Variants in ROBO1 observed in about 807,000 individuals in gnomAD.
The protein encoded by ROBO1 is roundabout guidance receptor 1, also known as roundabout homolog 1.
Under a neutral mutation model 195.9 loss-of-function variants are expected in ROBO1, and 149 were observed. The observed-to-expected ratio is 0.76, with a 90% CI of 0.67 to 0.87. The LOEUF (loss-of-function observed/expected upper bound fraction) is 0.87, where lower values mean the gene tolerates loss of function less well. Among genes scored for constraint, ROBO1 ranks in the 40% least tolerant of loss-of-function variants. ROBO1 has a pLI of 0.00. For missense variants in ROBO1, 1,933 were observed against 2,068.3 expected, an observed-to-expected ratio of 0.93 and a Z score of 1.27; for synonymous variants, 816 against 733.2, an observed-to-expected ratio of 1.11 and a Z score of -1.82.
intron 3 of ROBO1, among the ~76,000 whole-genome samples, chr3:79,028,782 AATT>A (rs2078245482): frequency 6.6e-6 from 1 of 151,994 alleles, no homozygotes; most frequent in Admixed American, 6.6e-5. Context: ...TATTTAATTG[AATT>A]ATTATATTTT....
chr3:79,472,284 G>A (rs1200997070), intron 2 of ROBO1, among the ~76,000 whole-genome samples: 1 of 151,986 alleles, frequency 6.6e-6, no homozygotes, highest in South Asian at 2.1e-4. Context: ...CTAGTGTTTA[G>A]GATTAGAAAT....
intron 10 of ROBO1, among the ~76,000 whole-genome samples, chr3:78,679,777 A>G (rs567522768): frequency 2.6e-5 from 4 of 152,180 alleles, no homozygotes; most frequent in African/African-American, 9.7e-5. Context: ...TATAGATTCA[A>G]TGCCATCCCC....
chr3:79,659,564 A>T (rs1946268396), intron 1 of ROBO1, among the ~76,000 whole-genome samples: 1 of 151,992 alleles, frequency 6.6e-6, no homozygotes, highest in Non-Finnish European at 1.5e-5. Context: ...TGCTTCAAAG[A>T]GCATTACCGA....
At chr3:78,874,950 G>T (rs2107187979) in intron 4 of ROBO1, among the ~76,000 whole-genome samples, 1 of 151,870 alleles carries the variant, frequency 6.6e-6, no homozygotes, top group South Asian at 2.1e-4. Flanking sequence ...TTCACTTTGA[G>T]AATGCACAAA....
intron 3 of ROBO1, among the ~76,000 whole-genome samples, chr3:79,065,706 A>C (rs2078992632): frequency 6.6e-6 from 1 of 152,100 alleles, no homozygotes; most frequent in South Asian, 2.1e-4. Flanking sequence ...TCATGAATTC[A>C]TAACCATTTA....
intron 2 of ROBO1, among the ~76,000 whole-genome samples, chr3:79,373,378 T>C (rs1222185373): frequency 1.3e-5 from 2 of 152,162 alleles, no homozygotes; most frequent in African/African-American, 4.8e-5. Flanking sequence ...CCAGAATGTA[T>C]GCAGCAGATG....
chr3:79,440,091 C>T (rs1377163399), intron 2 of ROBO1, among the ~76,000 whole-genome samples: 3 of 152,060 alleles, frequency 2.0e-5, no homozygotes, highest in Non-Finnish European at 4.4e-5. Context: ...TCGTTATCTA[C>T]ACATCTAGAG....
rs1451149444 is a variant in ROBO1 at position 79,301,378 on chromosome 3, T to C, written c.89-175839A>G. On this transcript the variant is annotated intron_variant, in intron 2 of 30. Coordinates refer to ENST00000464233, the MANE Select transcript of ROBO1 (RefSeq NM_002941.4). The stretch of plus-strand genomic sequence containing the variant: ...GTGAAATGTGACTGAGTATATAGAT[T>C]TTCAATTTATAAACTGTGTGTTTTA... Among the ~76,000 whole-genome samples, 3 of 152,154 alleles carry C rather than the reference T, an allele frequency of 2.0e-5. No homozygotes were observed. The East Asian group carries it at 5.8e-4, about 29-fold the overall frequency.
chr3:79,731,589 C>CA (rs1560140026), intron 1 of ROBO1, among the ~76,000 whole-genome samples: 1 of 151,772 alleles, frequency 6.6e-6, no homozygotes, highest in African/African-American at 2.4e-5. Flanking sequence ...CTGCCATATT[C>CA]AAAAAACAAA....
intron 2 of ROBO1, among the ~76,000 whole-genome samples, chr3:79,452,574 G>A (rs2039480256): frequency 6.6e-6 from 1 of 152,056 alleles, no homozygotes; most frequent in South Asian, 2.1e-4. Flanking sequence ...TTTTCTTGCT[G>A]TACTTGGTTC....
chr3:78,889,876 T>C (rs1471655449), intron 4 of ROBO1, among the ~76,000 whole-genome samples: 2 of 152,064 alleles, frequency 1.3e-5, no homozygotes, highest in Non-Finnish European at 2.9e-5. Context: ...TTAATGATAC[T>C]AAGACAATAC....
chr3:79,368,988 C>T (rs767610939), intron 2 of ROBO1, among the ~76,000 whole-genome samples: 1 of 152,126 alleles, frequency 6.6e-6, no homozygotes, highest in Non-Finnish European at 1.5e-5. Flanking sequence ...AAGGTATGCA[C>T]AAATTTGCAA....
chr3:79,624,842 A>G (rs189389382), intron 1 of ROBO1, among the ~76,000 whole-genome samples: 258 of 152,326 alleles, frequency 1.7e-3, no homozygotes, highest in Admixed American at 4.5e-3. Context: ...CTCTGGATCA[A>G]GTGGACCTGG....
intron 4 of ROBO1, among the ~76,000 whole-genome samples, chr3:78,787,725 T>C (rs1188288857): frequency 1.3e-5 from 2 of 152,028 alleles, no homozygotes; most frequent in Non-Finnish European, 2.9e-5. Context: ...GGGGGATCAC[T>C]TGAAGCCAGA....
rs777053641 is a variant in ROBO1, at chr3:78,668,127, A to T, written c.1799+7T>A. The T allele has an allele frequency of 6.2e-7, 1 of 1,612,912 alleles. No individual in the cohort carries two copies. Among genetic ancestry groups the T allele is most frequent in the Non-Finnish European group, 8.5e-7 (1 of 1,179,430 alleles). On this transcript the variant is annotated splice_region_variant and intron_variant, in intron 13 of 30. Coordinates refer to ENST00000464233, the MANE Select transcript of ROBO1 (RefSeq NM_002941.4). ...AGAACAACTAGGAAGCATCTCCTTC[A>T]CTCTACCTGAAGGCTTCTATAATAT...
At chr3:79,601,174 G>C (rs1488612517) in intron 1 of ROBO1, among the ~76,000 whole-genome samples, 1 of 151,910 alleles carries the variant, frequency 6.6e-6, no homozygotes, top group Non-Finnish European at 1.5e-5. Context: ...GAACCAAAAG[G>C]GTTCAGGACT....
At chr3:79,367,521 C>T (rs1168526890) in intron 2 of ROBO1, among the ~76,000 whole-genome samples, 2 of 152,202 alleles carry the variant, frequency 1.3e-5, no homozygotes, top group Admixed American at 1.3e-4. Context: ...GAAGATCCCC[C>T]ACACAGTTTG....
chr3:78,808,674 G>T (rs1000231302), intron 4 of ROBO1, among the ~76,000 whole-genome samples: 9 of 152,152 alleles, frequency 5.9e-5, no homozygotes, highest in Non-Finnish European at 1.3e-4. Flanking sequence ...AATCCTCAGA[G>T]ACCTCAGAAA....
chr3:79,051,051 C>T (rs2078686965), intron 3 of ROBO1, among the ~76,000 whole-genome samples: 1 of 152,056 alleles, frequency 6.6e-6, no homozygotes, highest in Admixed American at 6.5e-5. Flanking sequence ...CAAGAAATTA[C>T]TAAGATCAGA....
Sources: gnomAD v4.1 joint callset for allele counts (sites outside exome capture counted in the v4.1 genomes callset) on GRCh38, gnomAD v4.1.1 for gene constraint, MANE v1.5 for transcripts, NCBI Gene and HGNC (gene_info 2026-07-23, HGNC 2026-07-21) for gene names.